RAB31: variants seen among roughly 807,000 people sequenced by gnomAD.
The protein encoded by RAB31 is RAB31, member RAS oncogene family.
RAB31 carries 21 observed loss-of-function variants against 25.6 expected under a neutral mutation model. That is an observed-to-expected ratio of 0.82 (90% confidence interval 0.58 to 1.18). RAB31 has a LOEUF of 1.18. Ranked by LOEUF, RAB31 falls within the 50% of genes most tolerant of loss-of-function variation. The pLI is 0.00. For missense variants in RAB31, 196 were observed against 250.1 expected, an observed-to-expected ratio of 0.78 and a Z score of 1.46; for synonymous variants, 87 against 84.0, an observed-to-expected ratio of 1.04 and a Z score of -0.20.
At chr18:9,754,315 T>A (rs900912073) in intron 1 of RAB31, among the ~76,000 whole-genome samples, 1 of 152,180 alleles carries the variant, frequency 6.6e-6, no homozygotes, top group Non-Finnish European at 1.5e-5. Flanking sequence ...AGTCTCACTC[T>A]GTCACCCAGG....
intron 1 of RAB31, among the ~76,000 whole-genome samples, chr18:9,724,270 C>CAAAAA (rs762384582): frequency 1.1e-4 from 4 of 35,726 alleles, no homozygotes; most frequent in South Asian, 8.2e-4. Context: ...GACTCCGTCT[C>CAAAAA]AAAAAAAAAA....
chr18:9,737,614 G>A (rs2068157256), intron 1 of RAB31, among the ~76,000 whole-genome samples: 1 of 152,178 alleles, frequency 6.6e-6, no homozygotes. Flanking sequence ...GCAGAAATGA[G>A]TCGCCACAGT....
intron 2 of RAB31, among the ~76,000 whole-genome samples, chr18:9,786,142 GAA>G (rs2068431475): frequency 7.7e-6 from 1 of 130,602 alleles, no homozygotes; most frequent in Non-Finnish European, 1.5e-5. Flanking sequence ...GGAAAGGAAA[GAA>G]AGAAAGAAAG....
intron 2 of RAB31, among the ~76,000 whole-genome samples, chr18:9,785,468 T>G (rs1349232055): frequency 6.6e-6 from 1 of 152,202 alleles, no homozygotes. Flanking sequence ...TATGTCATAT[T>G]TGCATATATA....
chr18:9,778,159 G>A lies in RAB31; in HGVS notation c.119+2802G>A, dbSNP rs2068383100. ...AGTGTTAAGCATAGGTATAGGCATC[G>A]TAAATAGGGTAGTTACGTAATTTTG... On this transcript the variant is annotated intron_variant, in intron 2 of 6. Transcript: ENST00000578921. Among the ~76,000 whole-genome samples the A allele has an allele frequency of 2.0e-5, 3 of 152,178 alleles. No homozygotes were observed. In the South Asian group the frequency reaches 6.2e-4, roughly 32 times the overall value.
At chr18:9,768,874 A>T (rs944082215) in intron 1 of RAB31, among the ~76,000 whole-genome samples, 1 of 152,198 alleles carries the variant, frequency 6.6e-6, no homozygotes, top group Non-Finnish European at 1.5e-5. Flanking sequence ...CTTTTGTATA[A>T]GGTGTAAGGA....
intron 6 of RAB31, among the ~76,000 whole-genome samples, chr18:9,847,043 C>A (rs2068765672): frequency 6.6e-6 from 1 of 152,206 alleles, no homozygotes; most frequent in Admixed American, 6.5e-5. Context: ...CAGGCTGGGG[C>A]TGGAATTTCA....
intron 1 of RAB31, among the ~76,000 whole-genome samples, chr18:9,724,215 A>G (rs4798831): frequency 0.77 from 102,492 of 133,320 alleles, 39,666 homozygotes; most frequent in East Asian, 0.86. Context: ...AGCTTGCAGT[A>G]AGCCGAGATC....
chr18:9,797,844 G>A (rs570671189), intron 3 of RAB31, among the ~76,000 whole-genome samples: 67 of 152,334 alleles, frequency 4.4e-4, no homozygotes, highest in African/African-American at 1.5e-3. Flanking sequence ...AAAACAGAAT[G>A]TTTAACACTT....
At chr18:9,737,531 C>T (rs7237587) in intron 1 of RAB31, among the ~76,000 whole-genome samples, 2,994 of 152,110 alleles carry the variant, frequency 0.02, 100 homozygotes, top group African/African-American at 0.067. Flanking sequence ...TGGTGTTGGG[C>T]GGGGAAATAA....
intron 1 of RAB31, among the ~76,000 whole-genome samples, chr18:9,713,181 G>A (rs912133591): frequency 6.6e-6 from 1 of 152,234 alleles, no homozygotes; most frequent in African/African-American, 2.4e-5. Context: ...ATTTGTTAGT[G>A]TTATTGTGGA....
At chr18:9,852,057 A>G (rs1213703131) in intron 6 of RAB31, among the ~76,000 whole-genome samples, 1 of 151,974 alleles carries the variant, frequency 6.6e-6, no homozygotes, top group African/African-American at 2.4e-5. Flanking sequence ...TTGTTTCATG[A>G]TGGTCAGATT....
intron 2 of RAB31, among the ~76,000 whole-genome samples, chr18:9,790,405 A>AG (rs573039349): frequency 0.31 from 45,689 of 148,950 alleles, 8,078 homozygotes; most frequent in Middle Eastern, 0.47. Flanking sequence ...AAAAAAAAAA[A>AG]TTTTTTTTTT....
intron 3 of RAB31, among the ~76,000 whole-genome samples, chr18:9,795,496 G>A (rs2068482700): frequency 2.0e-5 from 3 of 152,126 alleles, no homozygotes; most frequent in Admixed American, 6.6e-5. Context: ...TCTGACAAAG[G>A]ACTAATATCC....
At chr18:9,834,197 C>G (rs918356314) in intron 5 of RAB31, among the ~76,000 whole-genome samples, 1 of 152,078 alleles carries the variant, frequency 6.6e-6, no homozygotes, top group Non-Finnish European at 1.5e-5. Flanking sequence ...CTCCCTGCAA[C>G]CTGCGCCTCC....
intron 4 of RAB31, among the ~76,000 whole-genome samples, chr18:9,814,297 G>A (rs946178388): frequency 6.6e-6 from 1 of 152,126 alleles, no homozygotes; most frequent in Non-Finnish European, 1.5e-5. Flanking sequence ...TGACTGTAGA[G>A]GCAAAGTCAT....
At chr18:9,795,285 T>G (rs541625854) in intron 3 of RAB31, among the ~76,000 whole-genome samples, 3 of 152,294 alleles carry the variant, frequency 2.0e-5, no homozygotes, top group African/African-American at 7.2e-5. Flanking sequence ...AGCCATAAAA[T>G]TCTAGAAGAT....
intron 5 of RAB31, among the ~76,000 whole-genome samples, chr18:9,828,566 C>T (rs1173451576): frequency 6.6e-6 from 1 of 152,166 alleles, no homozygotes; most frequent in Non-Finnish European, 1.5e-5. Context: ...ACTTGTTTTA[C>T]ATTTTTGGAT....
chr18:9,805,125 A>T (rs959432014), intron 3 of RAB31, among the ~76,000 whole-genome samples: 1 of 151,896 alleles, frequency 6.6e-6, no homozygotes, highest in African/African-American at 2.4e-5. Flanking sequence ...GTGTGGTGAC[A>T]TGCAGCTGTA....
Sources: allele counts gnomAD v4.1 joint callset (sites outside exome capture counted in the v4.1 genomes callset), GRCh38; gene constraint gnomAD v4.1.1; transcripts MANE v1.5; gene names NCBI Gene and HGNC (gene_info 2026-07-23, HGNC 2026-07-21).